GRIA1: variants seen among roughly 807,000 people sequenced by gnomAD.
GRIA1 encodes the protein glutamate ionotropic receptor AMPA type subunit 1.
GRIA1 carries 31 observed loss-of-function variants against 99.2 expected under a neutral mutation model. The observed-to-expected ratio is 0.31, with a 90% CI of 0.23 to 0.42. The LOEUF (loss-of-function observed/expected upper bound fraction) is 0.42, where lower values mean the gene tolerates loss of function less well. GRIA1 is among the 10% of genes least tolerant of loss of function. GRIA1 has a pLI of 1.00. For missense variants in GRIA1, 782 were observed against 1,157.5 expected, an observed-to-expected ratio of 0.68 and a Z score of 4.71; for synonymous variants, 438 against 432.4, an observed-to-expected ratio of 1.01 and a Z score of -0.16.
At chr5:153,616,622 G>A (rs1581337911) in intron 2 of GRIA1, among the ~76,000 whole-genome samples, 1 of 152,142 alleles carries the variant, frequency 6.6e-6, no homozygotes, top group East Asian at 1.9e-4. Context: ...ATTCTCCCAG[G>A]GCCTAGCACA....
chr5:153,688,246 T>C (rs1004575863), intron 8 of GRIA1, among the ~76,000 whole-genome samples: 2 of 152,156 alleles, frequency 1.3e-5, no homozygotes, highest in Non-Finnish European at 2.9e-5. Context: ...GGCACCCTAT[T>C]TGGCTATGAA....
At chr5:153,543,219 GAC>G (rs1178997231) in intron 2 of GRIA1, among the ~76,000 whole-genome samples, 1 of 152,136 alleles carries the variant, frequency 6.6e-6, no homozygotes, top group African/African-American at 2.4e-5. Context: ...TTGGAATGGT[GAC>G]AATGTTGTAA....
intron 11 of GRIA1, among the ~76,000 whole-genome samples, chr5:153,736,728 C>T (rs1030015891): frequency 2.0e-5 from 3 of 152,264 alleles, no homozygotes; most frequent in South Asian, 2.1e-4. Context: ...GAAATCAGAT[C>T]GTACCTTTGG....
At chr5:153,695,170 G>A (rs576712485) in intron 8 of GRIA1, among the ~76,000 whole-genome samples, 1 of 152,174 alleles carries the variant, frequency 6.6e-6, no homozygotes, top group African/African-American at 2.4e-5. Context: ...ATCTCCCTAA[G>A]CCTAAGTTTT....
At chr5:153,659,446 T>C (rs1045947919) in intron 5 of GRIA1, among the ~76,000 whole-genome samples, 4 of 152,154 alleles carry the variant, frequency 2.6e-5, no homozygotes, top group Non-Finnish European at 2.9e-5. Flanking sequence ...TGGCTGCCAG[T>C]GGTCCTCCAA....
intron 7 of GRIA1, among the ~76,000 whole-genome samples, chr5:153,685,025 C>T (rs1310937781): frequency 3.3e-5 from 5 of 152,134 alleles, no homozygotes; most frequent in Admixed American, 6.6e-5. Flanking sequence ...TCTTCTTATA[C>T]GTTCTAACAA....
chr5:153,641,814 T>C (rs768833622), intron 2 of GRIA1, among the ~76,000 whole-genome samples: 1 of 152,256 alleles, frequency 6.6e-6, no homozygotes, highest in Admixed American at 6.5e-5. Flanking sequence ...TAGGTGTCCC[T>C]GCCTGCTGAA....
At chr5:153,669,328 T>C (rs7736304) in intron 5 of GRIA1, among the ~76,000 whole-genome samples, 1,943 of 152,302 alleles carry the variant, frequency 0.013, 44 homozygotes, top group African/African-American at 0.044. Flanking sequence ...ATATAATGCA[T>C]ACAAAGGGGC....
intron 2 of GRIA1, among the ~76,000 whole-genome samples, chr5:153,623,487 G>T (rs756286248): frequency 1.3e-5 from 2 of 152,180 alleles, no homozygotes; most frequent in African/African-American, 4.8e-5. Context: ...GTAAAAAAGA[G>T]AATAAAGTTT....
chr5:153,766,865 T>C (rs1438196572), intron 12 of GRIA1, among the ~76,000 whole-genome samples: 1 of 152,220 alleles, frequency 6.6e-6, no homozygotes, highest in Non-Finnish European at 1.5e-5. Flanking sequence ...TCAGTTGACA[T>C]ATTACTGCCT....
intron 8 of GRIA1, among the ~76,000 whole-genome samples, chr5:153,697,318 C>T (rs542429176): frequency 5.3e-5 from 8 of 152,314 alleles, no homozygotes; most frequent in African/African-American, 1.7e-4. Context: ...CTTTGCATCT[C>T]GTCAACCCTG....
intron 2 of GRIA1, among the ~76,000 whole-genome samples, chr5:153,629,686 C>T (rs1033737906): frequency 1.3e-5 from 2 of 152,244 alleles, no homozygotes; most frequent in African/African-American, 2.4e-5. Flanking sequence ...CTTTTAAAAA[C>T]ATGCTTGCCC....
At chr5:153,551,262 C>T (rs186238750) in intron 2 of GRIA1, among the ~76,000 whole-genome samples, 1 of 152,242 alleles carries the variant, frequency 6.6e-6, no homozygotes, top group Admixed American at 6.5e-5. Context: ...CTTCGTGTGG[C>T]TTCTAGTCTC....
chr5:153,562,907 G>A (rs1761263086), intron 2 of GRIA1, among the ~76,000 whole-genome samples: 1 of 152,188 alleles, frequency 6.6e-6, no homozygotes, highest in Admixed American at 6.5e-5. Context: ...GCCAGGCACG[G>A]TGGCTCATGC....
At chr5:153,602,272 T>A (rs1765038490) in intron 2 of GRIA1, among the ~76,000 whole-genome samples, 2 of 151,086 alleles carry the variant, frequency 1.3e-5, no homozygotes, top group African/African-American at 4.9e-5. Context: ...CAGTAAACTA[T>A]CACAAGGACA....
chr5:153,708,714 T>G (rs946577833), intron 11 of GRIA1, among the ~76,000 whole-genome samples: 1 of 152,202 alleles, frequency 6.6e-6, no homozygotes, highest in African/African-American at 2.4e-5. Flanking sequence ...TCACACTGAT[T>G]TGAAAGCCTA....
chr5:153,623,144 C>G (rs766074883), intron 2 of GRIA1, among the ~76,000 whole-genome samples: 1 of 152,138 alleles, frequency 6.6e-6, no homozygotes, highest in Non-Finnish European at 1.5e-5. Flanking sequence ...TTTTATCAAG[C>G]CTGTCAATTC....
chr5:153,599,243 T>TA (rs1337323033), intron 2 of GRIA1, among the ~76,000 whole-genome samples: 2 of 152,332 alleles, frequency 1.3e-5, no homozygotes, highest in East Asian at 3.9e-4. Flanking sequence ...TTGCTAATTC[T>TA]AGTTTGACAC....
intron 11 of GRIA1, among the ~76,000 whole-genome samples, chr5:153,755,838 G>T (rs542389469): frequency 1.3e-5 from 2 of 152,326 alleles, no homozygotes; most frequent in African/African-American, 4.8e-5. Flanking sequence ...CAGAGCCCAA[G>T]ACCTAAGCAG....
Sources: allele counts gnomAD v4.1 joint callset (sites outside exome capture counted in the v4.1 genomes callset), GRCh38; gene constraint gnomAD v4.1.1; transcripts MANE v1.5; gene names NCBI Gene and HGNC (gene_info 2026-07-23, HGNC 2026-07-21).